PRDM11: variants seen among roughly 807,000 people sequenced by gnomAD.
The protein encoded by PRDM11 is PR/SET domain 11, also known as PR domain-containing protein 11.
A neutral mutation model predicts 97.8 loss-of-function variants in PRDM11; 20 were observed. That is an observed-to-expected ratio of 0.20 (90% CI 0.14 to 0.30). The LOEUF is 0.30. Among genes scored for constraint, PRDM11 ranks in the 10% least tolerant of loss-of-function variants. The probability of loss-of-function intolerance (pLI) is 1.00; values close to 1 mark genes in which losing one functional copy is unlikely to be tolerated. For synonymous variants in PRDM11, 599 were observed against 637.7 expected (o/e 0.94, Z 0.91); for missense variants, 1,139 against 1,555.2 (o/e 0.73, Z 4.50).
intron 6 of PRDM11, among the ~76,000 whole-genome samples, chr11:45,220,610 G>A (rs1212777879): frequency 6.6e-6 from 1 of 152,220 alleles, no homozygotes; most frequent in Non-Finnish European, 1.5e-5. Flanking sequence ...CAAGGTCTAA[G>A]TTCTGACCTG....
chr11:45,099,518 C>T (rs1851937169), intron 1 of PRDM11, among the ~76,000 whole-genome samples: 3 of 150,080 alleles, frequency 2.0e-5, no homozygotes, highest in Admixed American at 6.6e-5. Context: ...ACAGCCAAGA[C>T]CAGGAGTGAG....
At chr11:45,115,650 C>G (rs1852284655) in intron 1 of PRDM11, among the ~76,000 whole-genome samples, 1 of 151,964 alleles carries the variant, frequency 6.6e-6, no homozygotes, top group African/African-American at 2.4e-5. Context: ...CTAGAGCAGG[C>G]CAGGTGTGGT....
intron 6 of PRDM11, among the ~76,000 whole-genome samples, chr11:45,221,506 C>A (rs1344051559): frequency 3.9e-5 from 6 of 152,132 alleles, no homozygotes; most frequent in African/African-American, 1.2e-4. Flanking sequence ...TTGGTCATAA[C>A]CTTCTTGCAT....
upstream of PRDM11, among the ~76,000 whole-genome samples, chr11:45,144,962 C>A (rs1851474332): frequency 6.6e-6 from 1 of 152,142 alleles, no homozygotes; most frequent in Non-Finnish European, 1.5e-5. Flanking sequence ...AGGATCTTGT[C>A]ATTCTAATCG....
rs1854295366 is a variant in PRDM11 at position 45,227,145 on chromosome 11, G to A, written c.2520G>A (p.Lys840=). The A allele has an allele frequency of 6.5e-7, 1 of 1,533,978 alleles. No individual in the cohort carries two copies. Among genetic ancestry groups the A allele is most frequent in the African/African-American group, 1.4e-5 (1 of 73,102 alleles). The part of the protein sequence containing the change: ...GEQNVLNALI[K]DYLEVVAHLK... Reference sequence around the variant, plus strand: ...AGAACGTCCTCAACGCTCTCATCAAGGACTACCTGGAGGTGGTGGCCCATC... The same window carrying A: ...AGAACGTCCTCAACGCTCTCATCAAAGACTACCTGGAGGTGGTGGCCCATC... Residue 840 remains lysine (K), a synonymous_variant, in exon 8 of 8, where the codon AAG becomes AAA. Coordinates refer to ENST00000683152, the MANE Select transcript of PRDM11 (RefSeq NM_001384648.1). The surrounding 1 kb of genome is among the most constrained non-coding windows in gnomAD (Gnocchi z 8.0).
intron 1 of PRDM11, among the ~76,000 whole-genome samples, chr11:45,125,211 C>G (rs1431903399): frequency 6.6e-6 from 1 of 151,912 alleles, no homozygotes; most frequent in Non-Finnish European, 1.5e-5. Context: ...TTTATTGCAT[C>G]TATTTGATTC....
At chr11:45,190,249 C>T (rs529126127) in intron 4 of PRDM11, among the ~76,000 whole-genome samples, 2 of 151,884 alleles carry the variant, frequency 1.3e-5, no homozygotes, top group South Asian at 4.2e-4. Flanking sequence ...CAGGTTCAAG[C>T]AATTTTACCA....
Position 45,123,685 on chromosome 11 carries a change from T to C in PRDM11, c.96+27784T>C, listed in dbSNP as rs1283051780. Among the ~76,000 whole-genome samples, 196 of 149,818 alleles carry C rather than the reference T, an allele frequency of 1.3e-3. 1 individual carries two copies. The highest frequency in any genetic ancestry group is 4.5e-3 in the African/African-American group (187 of 41,294). On this transcript the variant is annotated intron_variant, in intron 1 of 6. Transcript: ENST00000530656. Reference sequence around the variant, plus strand: ...TGCAGCATTATTTCTGAGGGCTCTGTTCTGTTCCATTGATCTATATCTCTG... The same window carrying C: ...TGCAGCATTATTTCTGAGGGCTCTGCTCTGTTCCATTGATCTATATCTCTG...
intron 1 of PRDM11, among the ~76,000 whole-genome samples, chr11:45,106,324 G>T (rs922242340): frequency 6.6e-6 from 1 of 152,160 alleles, no homozygotes; most frequent in Non-Finnish European, 1.5e-5. Context: ...CTCGTTGGAG[G>T]CCCTGCCACC....
At chr11:45,214,116 GC>G in intron 5 of PRDM11, 1 of 206,898 alleles carries the variant, frequency 4.8e-6, no homozygotes, top group South Asian at 9.1e-5. Context: ...AGAATCCAGA[GC>G]CCAGTGGGGC....
intron 5 of PRDM11, among the ~76,000 whole-genome samples, chr11:45,207,250 T>A (rs1017160402): frequency 6.6e-6 from 1 of 152,216 alleles, no homozygotes; most frequent in African/African-American, 2.4e-5. Context: ...GCAGATGCTC[T>A]CCTTTGCACT....
Position 45,228,257 on chromosome 11 carries a change from ATAT to A in PRDM11, c.*102_*104del, listed in dbSNP as rs1854325539. On this transcript the variant is annotated 3_prime_UTR_variant, in exon 8 of 8. Transcript: ENST00000683152. The stretch of plus-strand genomic sequence containing the variant: ...ATATAAATATATATTATATTATATT[ATAT>A]TATATTATATATATATATATATATA... 4.0e-5 allele frequency: 12 copies of A among 297,118 alleles called. No homozygotes were observed. The highest frequency in any genetic ancestry group is 1.2e-3 in the Middle Eastern group (1 of 816). The allele number at this position is 297,118 out of a possible 1,614,324, so 18.4% of individuals were successfully genotyped here.
At chr11:45,103,260 A>T (rs1852009485) in intron 1 of PRDM11, among the ~76,000 whole-genome samples, 1 of 152,242 alleles carries the variant, frequency 6.6e-6, no homozygotes, top group Admixed American at 6.5e-5. Context: ...TTGGAGCCCA[A>T]CCTGGACTCT....
chr11:45,152,413 C>T (rs1851681953), intron 1 of PRDM11, among the ~76,000 whole-genome samples: 1 of 152,212 alleles, frequency 6.6e-6, no homozygotes, highest in Admixed American at 6.5e-5. Flanking sequence ...AACACCCTCT[C>T]TCTGCTTCCT....
At chr11:45,181,921 T>C in intron 2 of PRDM11, 36 bp downstream of exon 2, 2 of 1,577,110 alleles carry the variant, frequency 1.3e-6, no homozygotes, top group South Asian at 1.1e-5. Flanking sequence ...GAGGGAGAAG[T>C]GGGAGTGGGA....
Position 45,219,420 on chromosome 11 carries a change from C to G in PRDM11, c.555-150C>G. On this transcript the variant is annotated intron_variant, in intron 5 of 7. Coordinates refer to ENST00000683152, the MANE Select transcript of PRDM11 (RefSeq NM_001384648.1). This position sits in a 1 kb window ranked among gnomAD's most constrained non-coding sequence, Gnocchi z 4.2. ...TGGGTTCTGGCTGGTGCTGCTTCTC[C>G]GGACAGGGCAGCTGCTCTGCTGATG... 1 of 732,936 alleles carries G rather than the reference C, an allele frequency of 1.4e-6. No homozygotes were observed. The highest frequency in any genetic ancestry group is 2.7e-5 in the East Asian group (1 of 36,772). The allele number at this position is 732,936 out of a possible 1,614,324, so 45.4% of individuals were successfully genotyped here.
chr11:45,116,270 G>A (rs1431132009), intron 1 of PRDM11, among the ~76,000 whole-genome samples: 1 of 152,170 alleles, frequency 6.6e-6, no homozygotes, highest in Non-Finnish European at 1.5e-5. Context: ...AGAAGATTAT[G>A]AATAACACTA....
At chr11:45,100,084 T>C (rs1328017911) in intron 1 of PRDM11, among the ~76,000 whole-genome samples, 2 of 152,174 alleles carry the variant, frequency 1.3e-5, no homozygotes, top group Non-Finnish European at 2.9e-5. Context: ...ATGGCATCAT[T>C]TGGCAGATTC....
At chr11:45,173,025 C>T (rs1000391314) in intron 1 of PRDM11, among the ~76,000 whole-genome samples, 1 of 152,154 alleles carries the variant, frequency 6.6e-6, no homozygotes, top group African/African-American at 2.4e-5. Flanking sequence ...AAAGCCCTTC[C>T]CTTCCCTTTG....
Sources: gnomAD v4.1 joint callset for allele counts (sites outside exome capture counted in the v4.1 genomes callset) on GRCh38, gnomAD v4.1.1 for gene constraint, Gnocchi (gnomAD v3.1) non-coding constraint, MANE v1.5 for transcripts, NCBI Gene and HGNC (gene_info 2026-07-23, HGNC 2026-07-21) for gene names.